Variants in ACYP2 observed in about 807,000 individuals in gnomAD.
The protein encoded by ACYP2 is acylphosphatase 2.
Under a neutral mutation model 11.2 loss-of-function variants are expected in ACYP2, and 12 were observed. The ratio of observed to expected loss-of-function variants is 1.08; its 90% confidence interval spans 0.69 to 1.74. ACYP2 has a LOEUF of 1.74. ACYP2 is among the 40% of genes most tolerant of loss of function. The pLI, the probability that ACYP2 is intolerant of heterozygous loss-of-function variation, is 0.00. For synonymous variants in ACYP2, 43 were observed against 32.2 expected (o/e 1.33, Z -1.13); for missense variants, 134 against 101.9 (o/e 1.31, Z -1.35).
chr2:54,249,940 CAAAAAAAAAAA>C (rs1015312135), intron 6 of ACYP2, among the ~76,000 whole-genome samples: 16 of 44,454 alleles, frequency 3.6e-4, no homozygotes, highest in Non-Finnish European at 7.3e-4. Context: ...GACCCTGTCT[CAAAAAAAAAAA>C]AAAAAAAAAA....
chr2:54,149,727 C>T (rs867446966), intron 6 of ACYP2, among the ~76,000 whole-genome samples: 2 of 151,908 alleles, frequency 1.3e-5, no homozygotes, highest in Admixed American at 6.6e-5. Context: ...TTTTTTAAAC[C>T]GTATGTTATG....
intron 4 of ACYP2, among the ~76,000 whole-genome samples, chr2:54,128,636 C>T (rs1680688846): frequency 6.6e-6 from 1 of 152,156 alleles, no homozygotes; most frequent in Admixed American, 6.6e-5. Context: ...CACTGCACTC[C>T]AGCCTGGGCA....
At chr2:54,061,924 T>G (rs1335517165) in intron 4 of ACYP2, among the ~76,000 whole-genome samples, 1 of 152,104 alleles carries the variant, frequency 6.6e-6, no homozygotes, top group Non-Finnish European at 1.5e-5. Context: ...AAATAAAAAC[T>G]TAACAGGGCG....
intron 6 of ACYP2, among the ~76,000 whole-genome samples, chr2:54,180,387 A>T (rs1300833256): frequency 6.6e-6 from 1 of 151,958 alleles, no homozygotes; most frequent in Non-Finnish European, 1.5e-5. Flanking sequence ...TAAACCTGTT[A>T]TCATGCCTTG....
intron 2 of ACYP2, among the ~76,000 whole-genome samples, chr2:54,028,302 G>A (rs897172197): frequency 6.6e-6 from 1 of 152,086 alleles, no homozygotes; most frequent in Non-Finnish European, 1.5e-5. Context: ...ATTAGACTGG[G>A]TTTATGGGTT....
At chr2:54,129,947 AATT>A (rs1335274230) in intron 4 of ACYP2, among the ~76,000 whole-genome samples, 3 of 149,582 alleles carry the variant, frequency 2.0e-5, no homozygotes, top group African/African-American at 7.3e-5. Context: ...TTATATGATA[AATT>A]ATTATAGGAT....
intron 4 of ACYP2, among the ~76,000 whole-genome samples, chr2:54,119,914 G>A (rs1356117721): frequency 6.6e-6 from 1 of 152,136 alleles, no homozygotes; most frequent in African/African-American, 2.4e-5. Flanking sequence ...GATGACGTTG[G>A]CAGTTTTAAG....
chr2:54,131,030 C>G (rs1440750917), intron 4 of ACYP2, among the ~76,000 whole-genome samples: 2 of 152,164 alleles, frequency 1.3e-5, no homozygotes, highest in East Asian at 3.9e-4. Context: ...ATTTAATTGC[C>G]AGTTTACTTG....
intron 4 of ACYP2, among the ~76,000 whole-genome samples, chr2:54,079,672 C>T (rs1050113600): frequency 4.6e-5 from 7 of 152,158 alleles, no homozygotes; most frequent in Admixed American, 6.5e-5. Context: ...TCCCATAAAA[C>T]CAACGTTGAA....
intron 6 of ACYP2, among the ~76,000 whole-genome samples, chr2:54,195,107 C>A (rs1461423284): frequency 6.6e-6 from 1 of 152,138 alleles, no homozygotes; most frequent in Non-Finnish European, 1.5e-5. Context: ...AGTTTTTGAT[C>A]TTCACAGAAC....
At chr2:53,975,239 A>T in intron 2 of ACYP2, 1 of 398,156 alleles carries the variant, frequency 2.5e-6, no homozygotes, top group Non-Finnish European at 4.4e-6. Context: ...AAAAAAAAAA[A>T]ATTCAGAGAA....
intron 6 of ACYP2, among the ~76,000 whole-genome samples, chr2:54,242,359 C>T (rs1244202342): frequency 6.6e-6 from 1 of 152,220 alleles, no homozygotes; most frequent in Non-Finnish European, 1.5e-5. Context: ...GTGACGTCAA[C>T]TGAAGGCTTG....
chr2:53,981,775 C>T (rs1234099572), intron 2 of ACYP2, among the ~76,000 whole-genome samples: 1 of 152,036 alleles, frequency 6.6e-6, no homozygotes, highest in Non-Finnish European at 1.5e-5. Context: ...CACCATATAG[C>T]CAAGGTGTAT....
At chr2:54,071,943 G>T (rs191348704) in intron 4 of ACYP2, among the ~76,000 whole-genome samples, 1 of 152,074 alleles carries the variant, frequency 6.6e-6, no homozygotes, top group African/African-American at 2.4e-5. Flanking sequence ...CCCAGGAGGC[G>T]GAGGTTGCAG....
chr2:53,983,907 T>C (rs1298736811), intron 2 of ACYP2, among the ~76,000 whole-genome samples: 3 of 152,042 alleles, frequency 2.0e-5, no homozygotes, highest in African/African-American at 7.2e-5. Flanking sequence ...AAAATGTATA[T>C]CATGGCAAGA....
intron 2 of ACYP2, among the ~76,000 whole-genome samples, chr2:53,993,362 T>C (rs1401619256): frequency 1.3e-5 from 2 of 151,908 alleles, no homozygotes; most frequent in African/African-American, 4.8e-5. Context: ...ACACTCCCAC[T>C]GTTGAAACTG....
intron 6 of ACYP2, among the ~76,000 whole-genome samples, chr2:54,252,647 T>C (rs1463432416): frequency 6.6e-6 from 1 of 152,214 alleles, no homozygotes; most frequent in Non-Finnish European, 1.5e-5. Context: ...AATTATACCA[T>C]TGGCATAAAA....
At chr2:54,047,549 C>T (rs1675589391) in intron 2 of ACYP2, among the ~76,000 whole-genome samples, 1 of 152,118 alleles carries the variant, frequency 6.6e-6, no homozygotes, top group Non-Finnish European at 1.5e-5. Flanking sequence ...TACTAATTAC[C>T]ACCTTGCCAT....
At chr2:54,301,029 C>A (rs1465169819) in intron 6 of ACYP2, among the ~76,000 whole-genome samples, 1 of 152,112 alleles carries the variant, frequency 6.6e-6, no homozygotes, top group Non-Finnish European at 1.5e-5. Flanking sequence ...GTTATTTGCC[C>A]ATTTTTCTAT....
Sources: gnomAD v4.1 joint callset for allele counts (sites outside exome capture counted in the v4.1 genomes callset) on GRCh38, gnomAD v4.1.1 for gene constraint, MANE v1.5 for transcripts, NCBI Gene and HGNC (gene_info 2026-07-23, HGNC 2026-07-21) for gene names.